Variants in HIC1 observed in about 807,000 individuals in gnomAD.
HIC1 encodes HIC ZBTB transcriptional repressor 1.
In HIC1, 9 loss-of-function variants were observed where a neutral mutation model predicts 26.4. That is an observed-to-expected ratio of 0.34 (90% CI 0.21 to 0.59). The LOEUF (loss-of-function observed/expected upper bound fraction) is 0.59, where lower values mean the gene tolerates loss of function less well. Ranked by LOEUF, HIC1 falls within the 20% of genes least tolerant of loss-of-function variation. The pLI is 0.82. For missense variants in HIC1, 965 were observed against 1,075.7 expected (o/e 0.90, Z 1.44); for synonymous variants, 631 against 523.1 (o/e 1.21, Z -2.81).
In HIC1 at chr17:2,056,634, C is replaced by T. The variant is rs1429628103; in HGVS notation, c.-20-37C>T. The T allele has an allele frequency of 2.0e-6, 3 of 1,485,562 alleles. No homozygotes were observed. The East Asian group carries it at 7.4e-5, about 37-fold the overall frequency. The allele number at this position is 1,485,562 out of a possible 1,614,324, so 92.0% of individuals were successfully genotyped here. The stretch of plus-strand genomic sequence containing the variant: ...GGCTGGGGCCAGGCGGCCAGGGCGC[C>T]GCACGGCTCTCACCCGGCCGGTGTG... On this transcript the variant is annotated intron_variant, in intron 1 of 1. Coordinates refer to ENST00000619757, the MANE Select transcript of HIC1 (RefSeq NM_006497.4).
At chr17:2,056,540 G>A in intron 1 of HIC1, 131 bp from the exon 2 acceptor site, 10 of 1,384,888 alleles carry the variant, frequency 7.2e-6, no homozygotes, top group South Asian at 1.4e-5. Flanking sequence ...GTCCTTCGCC[G>A]GTGCCCAGGC....
In HIC1 at chr17:2,059,468, C is replaced by A; in HGVS notation, c.*633C>A. 1 of 168,954 alleles carries A rather than the reference C, an allele frequency of 5.9e-6. No homozygotes were observed. The allele number at this position is 168,954 out of a possible 1,614,324, so 10.5% of individuals were successfully genotyped here. A position where few individuals can be genotyped will look rare whatever the true frequency, so the allele number is the denominator to read the frequency against. Reference sequence around the variant, plus strand: ...GAGCCTACCACCAGGTCTCCCACTCCCGCGGTGCCCTCCCTTCCCTTCCCT... The same window carrying A: ...GAGCCTACCACCAGGTCTCCCACTCACGCGGTGCCCTCCCTTCCCTTCCCT... On this transcript the variant is annotated 3_prime_UTR_variant, in exon 2 of 2. Transcript: ENST00000619757.
Position 2,058,572 on chromosome 17 carries a change from G to A in HIC1, c.1882G>A (p.Glu628Lys). 6.4e-7 allele frequency: 1 copy of A among 1,558,470 alleles called. No homozygotes were observed. Among genetic ancestry groups the A allele is most frequent in the Non-Finnish European group, 8.6e-7 (1 of 1,159,934 alleles). The change falls in exon 2 of 2, where the codon GAG becomes AAG. Residue 628 changes from glutamate to lysine, a missense_variant. Physicochemically the swap from Glu to Lys is moderately conservative, Grantham distance 56. Around this residue, in one of 6 missense-constraint regions of HIC1, gnomAD observed 210 missense variants for 179.2 expected, o/e 1.17. Coordinates refer to ENST00000619757, the MANE Select transcript of HIC1 (RefSeq NM_006497.4). ...CGGCAAGGGCAAGCTCGACTTCCCC[G>A]AGGGCGTCTTTGCTGTGGCTCGCCT... ...PDGKGKLDFP[E>K]GVFAVARLTA...
chr17:2,057,763 C>T lies in HIC1; in HGVS notation c.1073C>T (p.Pro358Leu), dbSNP rs1211679088. 1.4e-6 allele frequency: 2 copies of T among 1,418,400 alleles called. No homozygotes were observed. The highest frequency in any genetic ancestry group is 1.5e-5 in the South Asian group (1 of 66,968). The allele number at this position is 1,418,400 out of a possible 1,614,324, so 87.9% of individuals were successfully genotyped here. A position where few individuals can be genotyped will look rare whatever the true frequency, so the allele number is the denominator to read the frequency against. ...GGGCCCCCGCTCGGCCTGGCGCCGC[C>T]GCCGCGCTACCCTGGCAGCCTGGAC... ...PGGPPLGLAPPPRYPGSLDGP... is the reference protein window; with the variant it reads ...PGGPPLGLAPLPRYPGSLDGP... Residue 358 changes from proline to leucine, a missense_variant, in exon 2 of 2, where the codon CCG becomes CTG. By Grantham distance (98) the Pro-to-Leu change is moderately conservative. Transcript: ENST00000619757.
In HIC1 at chr17:2,057,918, C is replaced by T. The variant is rs1298328046; in HGVS notation, c.1228C>T (p.Pro410Ser). The change falls in exon 2 of 2, where the codon CCC becomes TCC. Residue 410 changes from proline (P) to serine (S), a missense_variant. Pro to Ser is a moderately conservative substitution (Grantham distance 74). Transcript: ENST00000619757. ...YPCPHLAYGE[P>S]ESFGDNLYVC... ...ATGCCCGCACCTGGCCTATGGCGAG[C>T]CCGAGAGCTTCGGTGACAACCTGTA... 1 of 1,608,704 alleles carries T rather than the reference C, an allele frequency of 6.2e-7. No homozygotes were observed. Among genetic ancestry groups the T allele is most frequent in the Admixed American group, 1.7e-5 (1 of 59,562 alleles).
Position 2,057,695 on chromosome 17 carries a change from G to A in HIC1, c.1005G>A (p.Glu335=), listed in dbSNP as rs1196404603. ...GCCGGGAGCGCGGCTCCCCCAGCGA[G>A]CGCTGCGAAGAGCGTGGTGGGGACG... ...ELGRERGSPS[E]RCEERGGDAA... is the part of the protein sequence containing the mutation. The change falls in exon 2 of 2, where the codon GAG becomes GAA. Residue 335 remains glutamate, a synonymous_variant. Transcript: ENST00000619757. 6.7e-7 allele frequency: 1 copy of A among 1,485,316 alleles called. No individual in the cohort carries two copies. Among genetic ancestry groups the A allele is most frequent in the Non-Finnish European group, 8.9e-7 (1 of 1,124,136 alleles). 92.0% of individuals were successfully genotyped at this position (1,485,316 alleles called of 1,614,324 possible). A position where few individuals can be genotyped will look rare whatever the true frequency, so the allele number is the denominator to read the frequency against.
chr17:2,057,167 G>C lies in HIC1; in HGVS notation c.477G>C (p.Leu159=). ...YAPYGRPGRG[L]RAATPVIQAC... ...CCTATGGTCGGCCGGGCCGGGGCCT[G>C]CGGGCCGCCACGCCGGTCATCCAGG... Residue 159 remains leucine (L), a synonymous_variant, in exon 2 of 2, where the codon CTG becomes CTC. Coordinates refer to ENST00000619757, the MANE Select transcript of HIC1 (RefSeq NM_006497.4). The C allele has an allele frequency of 7.5e-7, 1 of 1,325,464 alleles. No homozygotes were observed. Among genetic ancestry groups the C allele is most frequent in the Non-Finnish European group, 9.6e-7 (1 of 1,044,526 alleles). The allele number at this position is 1,325,464 out of a possible 1,614,324, so 82.1% of individuals were successfully genotyped here. A position where few individuals can be genotyped will look rare whatever the true frequency, so the allele number is the denominator to read the frequency against.
At position 2,055,144 on chromosome 17, in the gene HIC1, G is replaced by C. The variant is rs1198674993; in HGVS notation, c.-115G>C. 6.6e-6 allele frequency: 1 copy of C among 152,338 alleles called. No homozygotes were observed. The highest frequency in any genetic ancestry group is 1.5e-5 in the Non-Finnish European group (1 of 68,176). 9.4% of individuals were successfully genotyped at this position (152,338 alleles called of 1,614,324 possible). ...GCGGGGAGGACGGACCAGCAGGACA[G>C]ACCGACCGGGGGCCCGGCGGGCGGA... On this transcript the variant is annotated 5_prime_UTR_variant, in exon 1 of 2. Coordinates refer to ENST00000619757, the MANE Select transcript of HIC1 (RefSeq NM_006497.4). The surrounding 1 kb of genome is among the most constrained non-coding windows in gnomAD (Gnocchi z 6.4).
chr17:2,057,298 G>T lies in HIC1; in HGVS notation c.608G>T (p.Gly203Val), dbSNP rs1227358068. The T allele has an allele frequency of 1.3e-6, 2 of 1,492,790 alleles. No individual in the cohort carries two copies. Among genetic ancestry groups the T allele is most frequent in the Non-Finnish European group, 8.9e-7 (1 of 1,129,386 alleles). 92.5% of individuals were successfully genotyped at this position (1,492,790 alleles called of 1,614,324 possible). A position where few individuals can be genotyped will look rare whatever the true frequency, so the allele number is the denominator to read the frequency against. Residue 203 changes from glycine (G) to valine (V), a missense_variant, in exon 2 of 2, where the codon GGA (glycine) becomes GTA (valine). Coordinates refer to ENST00000619757, the MANE Select transcript of HIC1 (RefSeq NM_006497.4). Reference protein sequence around the residue: ...NTHCAELYASGPGPAAALCAS... With the variant: ...NTHCAELYASVPGPAAALCAS... ...CACTGCGCCGAGCTGTACGCGTCGGGACCCGGCCCGGCCGCCGCACTCTGT... is the reference window on the plus strand; with the variant it reads ...CACTGCGCCGAGCTGTACGCGTCGGTACCCGGCCCGGCCGCCGCACTCTGT...
At position 2,058,098 on chromosome 17, in the gene HIC1, G is replaced by A. The variant is rs764969310; in HGVS notation, c.1408G>A (p.Gly470Ser). 1.3e-6 allele frequency: 2 copies of A among 1,592,504 alleles called. No individual in the cohort carries two copies. Among genetic ancestry groups the A allele is most frequent in the South Asian group, 1.1e-5 (1 of 89,584 alleles). Residue 470 changes from glycine (G) to serine (S), a missense_variant, in exon 2 of 2, where the codon GGC becomes AGC. Around this residue, in one of 6 missense-constraint regions of HIC1, gnomAD observed 105 missense variants for 101.4 expected, o/e 1.04. Transcript: ENST00000619757. ...AAGLGPPFGG[G>S]GDKVAGAPGG... is the part of the protein sequence containing the mutation. ...CGGCCTAGGGCCCCCTTTTGGAGGC[G>A]GCGGGGACAAGGTCGCCGGGGCTCC...
Position 2,056,728 on chromosome 17 carries a change from A to G in HIC1, c.38A>G (p.Gln13Arg). Reference protein sequence around the residue: ...DTMEAPGHSRQLLLQLNNQRT... With the variant: ...DTMEAPGHSRRLLLQLNNQRT... ...ATGGAGGCGCCCGGCCACTCCAGGC[A>G]GCTGCTGCTGCAGCTCAACAACCAG... The change falls in exon 2 of 2, where the codon CAG becomes CGG. Residue 13 changes from glutamine to arginine, a missense_variant. Gln to Arg is a conservative substitution (Grantham distance 43). This residue lies in a region of HIC1 where 64 missense variants were observed against 114.0 expected (regional missense o/e 0.56). Transcript: ENST00000619757. 1.2e-6 allele frequency: 2 copies of G among 1,610,208 alleles called. No homozygotes were observed. Among genetic ancestry groups the G allele is most frequent in the Non-Finnish European group, 1.7e-6 (2 of 1,178,406 alleles).
In HIC1 at chr17:2,055,794, C is replaced by T. The variant is rs1198262826; in HGVS notation, c.-21+556C>T. On this transcript the variant is annotated intron_variant, in intron 1 of 1. Coordinates refer to ENST00000619757, the MANE Select transcript of HIC1 (RefSeq NM_006497.4). The surrounding 1 kb of genome is among the most constrained non-coding windows in gnomAD (Gnocchi z 6.4). ...GGCCGGCGCACTCCTCCCGCCCTGT[C>T]TGCAGTTGGAAAACTTTTCCCCAAG... Among the ~76,000 whole-genome samples the T allele has an allele frequency of 6.6e-6, 1 of 151,744 alleles. No individual in the cohort carries two copies. Among genetic ancestry groups the T allele is most frequent in the African/African-American group, 2.4e-5 (1 of 41,380 alleles).
chr17:2,056,283 C>T (rs191224968), intron 1 of HIC1: 34 of 1,607,530 alleles, frequency 2.1e-5, no homozygotes, highest in Non-Finnish European at 2.7e-5. Flanking sequence ...CCCTTTCTCC[C>T]TACTTGGGTA....
In HIC1 at chr17:2,055,887, C is replaced by T. The variant is rs942740479; in HGVS notation, c.-21+649C>T. 3.3e-5 allele frequency among the ~76,000 whole-genome samples: 5 copies of T among 150,680 alleles called. No individual in the cohort carries two copies. Among genetic ancestry groups the T allele is most frequent in the Non-Finnish European group, 5.9e-5 (4 of 67,540 alleles). ...CGCGGAGGGAGGCGCCGGGCCCGCGCGTGTAGGGCCCAGGCCGAGGCCGGG... is the reference window on the plus strand; with the variant it reads ...CGCGGAGGGAGGCGCCGGGCCCGCGTGTGTAGGGCCCAGGCCGAGGCCGGG... On this transcript the variant is annotated intron_variant, in intron 1 of 1. Transcript: ENST00000619757. The surrounding 1 kb of genome is among the most constrained non-coding windows in gnomAD (Gnocchi z 6.4).
At position 2,056,314 on chromosome 17, in the gene HIC1, C is replaced by T. The variant is rs759227632; in HGVS notation, c.-20-357C>T. The T allele has an allele frequency of 7.4e-6, 12 of 1,613,082 alleles. No homozygotes were observed. The Admixed American group carries it at 8.3e-5, about 11-fold the overall frequency. Reference sequence around the variant, plus strand: ...GGGTAAAGTTCTCCGCCCTGAATGACTTTTCCTGAAGCGGACATTTTACTT... The same window carrying T: ...GGGTAAAGTTCTCCGCCCTGAATGATTTTTCCTGAAGCGGACATTTTACTT... On this transcript the variant is annotated intron_variant, in intron 1 of 1. Coordinates refer to ENST00000619757, the MANE Select transcript of HIC1 (RefSeq NM_006497.4).
Position 2,057,028 on chromosome 17 carries a change from C to T in HIC1, c.338C>T (p.Ala113Val), listed in dbSNP as rs1303096155. The T allele has an allele frequency of 1.3e-6, 2 of 1,487,976 alleles. No individual in the cohort carries two copies. The highest frequency in any genetic ancestry group is 1.8e-6 in the Non-Finnish European group (2 of 1,123,698). 92.2% of individuals were successfully genotyped at this position (1,487,976 alleles called of 1,614,324 possible). Residue 113 changes from alanine (A) to valine (V), a missense_variant, in exon 2 of 2, where the codon GCC becomes GTC. Around this residue, in one of 6 missense-constraint regions of HIC1, gnomAD observed 526 missense variants for 525.0 expected, o/e 1.00. Coordinates refer to ENST00000619757, the MANE Select transcript of HIC1 (RefSeq NM_006497.4). ...AEPSLGAVLA[A>V]ASYLQIPDLV... Reference sequence around the variant, plus strand: ...CCGAGCCTGGGCGCCGTGCTGGCCGCCGCCAGCTACCTGCAGATCCCCGAC... The same window carrying T: ...CCGAGCCTGGGCGCCGTGCTGGCCGTCGCCAGCTACCTGCAGATCCCCGAC...
In HIC1 at chr17:2,062,681, G is replaced by C. The variant is rs1597313300; in HGVS notation, c.*3846G>C. 6.6e-6 allele frequency: 1 copy of C among 152,230 alleles called. No individual in the cohort carries two copies. Among genetic ancestry groups the C allele is most frequent in the South Asian group, 2.1e-4 (1 of 4,824 alleles). The allele number at this position is 152,230 out of a possible 1,614,324, so 9.4% of individuals were successfully genotyped here. A position where few individuals can be genotyped will look rare whatever the true frequency, so the allele number is the denominator to read the frequency against. ...GTCCCAGGCTGGGCATTTCCTGACA[G>C]AGGTCCAGGTCCGGCAGACAGCAAG... On this transcript the variant is annotated 3_prime_UTR_variant, in exon 2 of 2. Coordinates refer to ENST00000619757, the MANE Select transcript of HIC1 (RefSeq NM_006497.4).
Position 2,061,782 on chromosome 17 carries a change from G to T in HIC1, c.*2947G>T. The T allele has an allele frequency of 1.2e-6, 1 of 818,652 alleles. No homozygotes were observed. The highest frequency in any genetic ancestry group is 1.9e-6 in the Non-Finnish European group (1 of 527,268). The allele number at this position is 818,652 out of a possible 1,614,324, so 50.7% of individuals were successfully genotyped here. A position where few individuals can be genotyped will look rare whatever the true frequency, so the allele number is the denominator to read the frequency against. ...TTCCTCCGTCCGGGCTCTCAGCCCC[G>T]GGGACCCTCCCCTGCTGGCCTAGAG... On this transcript the variant is annotated 3_prime_UTR_variant, in exon 2 of 2. Transcript: ENST00000619757.
rs2067682737 is a variant in HIC1 at position 2,057,451 on chromosome 17, G to T, written c.761G>T (p.Ser254Ile). The T allele has an allele frequency of 2.0e-6, 3 of 1,464,436 alleles. No individual in the cohort carries two copies. The East Asian group carries it at 9.2e-5, about 45-fold the overall frequency. The allele number at this position is 1,464,436 out of a possible 1,614,324, so 90.7% of individuals were successfully genotyped here. ...ELPPRPDSPP[S>I]AGPAAYKEPP... Reference sequence around the variant, plus strand: ...CCCCCGCGCCCGGACAGCCCTCCCAGCGCCGGCCCCGCCGCCTACAAGGAG... The same window carrying T: ...CCCCCGCGCCCGGACAGCCCTCCCATCGCCGGCCCCGCCGCCTACAAGGAG... Residue 254 changes from serine (S) to isoleucine (I), a missense_variant, in exon 2 of 2, where the codon AGC becomes ATC. Transcript: ENST00000619757.
Sources: allele counts gnomAD v4.1 joint callset (sites outside exome capture counted in the v4.1 genomes callset), GRCh38; gene constraint gnomAD v4.1.1; regional missense constraint gnomAD v4.1.1; non-coding constraint Gnocchi (gnomAD v3.1); transcripts MANE v1.5; gene names NCBI Gene and HGNC (gene_info 2026-07-23, HGNC 2026-07-21).